Variants in SAMTOR observed in about 807,000 individuals in gnomAD.
The protein encoded by SAMTOR is S-adenosylmethionine sensor upstream of mTORC1.
At chr7:112,918,577 G>A in the SAMTOR span, among the ~76,000 whole-genome samples, 1 of 152,114 alleles carries the variant, frequency 6.6e-6, no homozygotes, top group Admixed American at 6.6e-5. Flanking sequence ...ATAATGACGG[G>A]ATCAAATTCA....
At chr7:112,908,229 A>C in the SAMTOR span, among the ~76,000 whole-genome samples, 2 of 152,212 alleles carry the variant, frequency 1.3e-5, no homozygotes, top group Non-Finnish European at 2.9e-5. Flanking sequence ...GCCTTTCCTT[A>C]ATGTGAGTGG....
chr7:112,902,447 A>AAAAC, the SAMTOR span, among the ~76,000 whole-genome samples: 1 of 129,276 alleles, frequency 7.7e-6, no homozygotes, highest in African/African-American at 2.9e-5. Flanking sequence ...AACAAAAAAA[A>AAAAC]ACAAAAAAAA....
chr7:112,878,287 T>G, the SAMTOR span, among the ~76,000 whole-genome samples: 1 of 152,210 alleles, frequency 6.6e-6, no homozygotes, highest in Non-Finnish European at 1.5e-5. Flanking sequence ...TGCCTTGATT[T>G]GTGCCAAGGT....
the SAMTOR span, among the ~76,000 whole-genome samples, chr7:112,888,988 A>G: frequency 6.6e-6 from 1 of 152,168 alleles, no homozygotes; most frequent in Non-Finnish European, 1.5e-5. Context: ...TCATGATGAA[A>G]TATTATGCAA....
chr7:112,881,233 G>A, the SAMTOR span, among the ~76,000 whole-genome samples: 27 of 152,298 alleles, frequency 1.8e-4, no homozygotes, highest in African/African-American at 5.8e-4. Context: ...GGGCACTGAC[G>A]AGCATAGGAG....
the SAMTOR span, among the ~76,000 whole-genome samples, chr7:112,902,458 A>T: frequency 6.8e-6 from 1 of 146,850 alleles, no homozygotes; most frequent in East Asian, 2.1e-4. Flanking sequence ...ACAAAAAAAA[A>T]AACCAAAAAA....
chr7:112,873,687 T>G, the SAMTOR span, among the ~76,000 whole-genome samples: 1 of 152,150 alleles, frequency 6.6e-6, no homozygotes, highest in South Asian at 2.1e-4. Context: ...TACAAAGCAA[T>G]TGCTACAAAA....
chr7:112,878,792 A>T, the SAMTOR span, among the ~76,000 whole-genome samples: 1 of 152,180 alleles, frequency 6.6e-6, no homozygotes, highest in East Asian at 1.9e-4. Context: ...GCAAAGTGAC[A>T]TCACTAAAAA....
chr7:112,907,098 G>C, the SAMTOR span, among the ~76,000 whole-genome samples: 14 of 152,104 alleles, frequency 9.2e-5, no homozygotes, highest in Non-Finnish European at 1.5e-4. Context: ...GAACAGCATT[G>C]TAAGTCTTTA....
chr7:112,914,315 G>T, the SAMTOR span, among the ~76,000 whole-genome samples: 3 of 125,582 alleles, frequency 2.4e-5, no homozygotes, highest in Non-Finnish European at 4.9e-5. Context: ...TACTTTTGCA[G>T]GTTTGTTATA....
chr7:112,842,635 T>C, the SAMTOR span, among the ~76,000 whole-genome samples: 2 of 152,026 alleles, frequency 1.3e-5, no homozygotes, highest in Admixed American at 6.6e-5. Context: ...TATCTTAGTC[T>C]AACTAGTCAG....
chr7:112,841,595 C>G, the SAMTOR span, among the ~76,000 whole-genome samples: 3 of 151,986 alleles, frequency 2.0e-5, no homozygotes, highest in African/African-American at 7.2e-5. Flanking sequence ...TCATATGGAA[C>G]CAAAAAAGGA....
At chr7:112,894,185 GGGGAGA>G in the SAMTOR span, among the ~76,000 whole-genome samples, 8 of 151,614 alleles carry the variant, frequency 5.3e-5, no homozygotes, top group Non-Finnish European at 5.9e-5. Flanking sequence ...AGAGGGGGAG[GGGGAGA>G]GGGAAGAGTG....
chr7:112,916,448 T>C, the SAMTOR span, among the ~76,000 whole-genome samples: 18 of 151,990 alleles, frequency 1.2e-4, no homozygotes, highest in Non-Finnish European at 2.9e-5. Flanking sequence ...AAACTATAAA[T>C]AGAGGGGGTT....
At chr7:112,864,599 C>T in the SAMTOR span, among the ~76,000 whole-genome samples, 1 of 152,248 alleles carries the variant, frequency 6.6e-6, no homozygotes, top group South Asian at 2.1e-4. Flanking sequence ...CTCTGAAGTA[C>T]TTGACCACTC....
chr7:112,828,267 G>A, the SAMTOR span, among the ~76,000 whole-genome samples: 5 of 152,256 alleles, frequency 3.3e-5, no homozygotes, highest in South Asian at 4.1e-4. Context: ...TCATAGTTCT[G>A]GAGGCTTAGA....
chr7:112,885,237 G>GCCTAGATCT, the SAMTOR span, among the ~76,000 whole-genome samples: 20 of 152,168 alleles, frequency 1.3e-4, no homozygotes, highest in Non-Finnish European at 2.4e-4. Context: ...GATGAGAGGG[G>GCCTAGATCT]CTGCTGTGAA....
chr7:112,859,866 T>G, the SAMTOR span, among the ~76,000 whole-genome samples: 1 of 152,188 alleles, frequency 6.6e-6, no homozygotes, highest in Non-Finnish European at 1.5e-5. Flanking sequence ...ACGATTGATT[T>G]TACTGAAAAT....
the SAMTOR span, among the ~76,000 whole-genome samples, chr7:112,933,023 G>A: frequency 6.6e-6 from 1 of 152,158 alleles, no homozygotes; most frequent in Admixed American, 6.5e-5. Context: ...ACTTGAATTG[G>A]TGGGGGAAGG....
Sources: allele counts gnomAD v4.1 joint callset (sites outside exome capture counted in the v4.1 genomes callset), GRCh38; gene constraint gnomAD v4.1.1; transcripts MANE v1.5; gene names NCBI Gene and HGNC (gene_info 2026-07-23, HGNC 2026-07-21).